Variants in MS4A12 observed in about 807,000 individuals in gnomAD.
MS4A12 encodes the protein membrane-spanning 4-domains subfamily A member 12.
Under a neutral mutation model 23.7 loss-of-function variants are expected in MS4A12, and 28 were observed. That is an observed-to-expected ratio of 1.18 (90% CI 0.88 to 1.62). The LOEUF (loss-of-function observed/expected upper bound fraction) is 1.62. Ranked by LOEUF, MS4A12 falls within the 40% of genes most tolerant of loss-of-function variation. The pLI is 0.00. For synonymous variants in MS4A12, 108 were observed against 110.1 expected, an observed-to-expected ratio of 0.98 and a Z score of 0.12; for missense variants, 342 against 327.0, an observed-to-expected ratio of 1.05 and a Z score of -0.35.
chr11:60,496,840 A>G (rs1448298836), intron 1 of MS4A12, among the ~76,000 whole-genome samples: 2 of 152,032 alleles, frequency 1.3e-5, no homozygotes, highest in Admixed American at 1.3e-4. Flanking sequence ...CGACCCATAC[A>G]CCTTGGTTCA....
intron 2 of MS4A12, chr11:60,497,832 C>T (rs545230969): frequency 3.3e-4 from 157 of 476,826 alleles, no homozygotes; most frequent in Admixed American, 7.4e-4. Flanking sequence ...GTAATATTGA[C>T]GTGACAGAAG....
intron 5 of MS4A12, among the ~76,000 whole-genome samples, chr11:60,504,061 G>A (rs986632318): frequency 3.3e-5 from 5 of 152,142 alleles, no homozygotes; most frequent in African/African-American, 9.7e-5. Context: ...ATGAACAATG[G>A]GGAAGGGTTT....
intron 2 of MS4A12, among the ~76,000 whole-genome samples, chr11:60,499,973 T>C (rs771731085): frequency 1.3e-5 from 2 of 152,106 alleles, no homozygotes; most frequent in Non-Finnish European, 2.9e-5. Flanking sequence ...CCTGCAACTT[T>C]TTAAAAAAGG....
At chr11:60,503,474 A>G (rs545586224) in intron 4 of MS4A12, among the ~76,000 whole-genome samples, 26 of 152,256 alleles carry the variant, frequency 1.7e-4, no homozygotes, top group East Asian at 1.3e-3. Context: ...TGCCTGCTTT[A>G]TATGATTTAC....
At chr11:60,505,706 G>A (rs2086565227) in intron 5 of MS4A12, among the ~76,000 whole-genome samples, 1 of 152,164 alleles carries the variant, frequency 6.6e-6, no homozygotes, top group Non-Finnish European at 1.5e-5. Context: ...GTCTGTAGCT[G>A]AGAAGGCTGG....
At chr11:60,504,232 TA>T (rs1023137256) in intron 5 of MS4A12, among the ~76,000 whole-genome samples, 34 of 152,366 alleles carry the variant, frequency 2.2e-4, no homozygotes, top group African/African-American at 7.9e-4. Context: ...ATCTGATTTT[TA>T]CAGAGAAACC....
intron 3 of MS4A12, among the ~76,000 whole-genome samples, chr11:60,501,640 A>C (rs1439128237): frequency 6.6e-6 from 1 of 152,126 alleles, no homozygotes; most frequent in African/African-American, 2.4e-5. Flanking sequence ...CTTGAGTTCA[A>C]GAGATGGAGG....
intron 2 of MS4A12, among the ~76,000 whole-genome samples, chr11:60,500,363 T>C (rs955725832): frequency 6.6e-6 from 1 of 152,050 alleles, no homozygotes; most frequent in African/African-American, 2.4e-5. Flanking sequence ...AAGATTAATT[T>C]GGTGTAATCA....
intron 5 of MS4A12, among the ~76,000 whole-genome samples, chr11:60,504,733 T>C (rs569415801): frequency 4.6e-5 from 7 of 152,156 alleles, no homozygotes; most frequent in Non-Finnish European, 1.0e-4. Context: ...CTCAATACTG[T>C]GTAAGTAATT....
chr11:60,503,477 T>C (rs143101390), intron 4 of MS4A12, among the ~76,000 whole-genome samples: 188 of 152,332 alleles, frequency 1.2e-3, no homozygotes, highest in African/African-American at 4.4e-3. Context: ...CTGCTTTATA[T>C]GATTTACATT....
At chr11:60,494,125 A>G (rs1415660423) in intron 1 of MS4A12, among the ~76,000 whole-genome samples, 3 of 152,212 alleles carry the variant, frequency 2.0e-5, no homozygotes, top group Non-Finnish European at 2.9e-5. Context: ...TCTTCATTTC[A>G]ATTGAATAAT....
chr11:60,500,410 A>T (rs1018141820), intron 2 of MS4A12, among the ~76,000 whole-genome samples: 1 of 152,224 alleles, frequency 6.6e-6, no homozygotes, highest in African/African-American at 2.4e-5. Flanking sequence ...AGAGCTGAGC[A>T]TGGGGGAAGA....
chr11:60,505,419 AG>A (rs1427281172), intron 5 of MS4A12, among the ~76,000 whole-genome samples: 1 of 152,186 alleles, frequency 6.6e-6, no homozygotes, highest in Non-Finnish European at 1.5e-5. Flanking sequence ...AAACCGTATC[AG>A]GAGGCAAAAA....
intron 5 of MS4A12, among the ~76,000 whole-genome samples, chr11:60,505,976 A>G (rs2086567066): frequency 1.3e-5 from 2 of 152,214 alleles, no homozygotes. Context: ...CCTCGCTAGC[A>G]AGAACTGTGC....
intron 4 of MS4A12, 90 bp from the exon 5 acceptor site, chr11:60,503,611 A>C: frequency 9.0e-7 from 1 of 1,111,728 alleles, no homozygotes; most frequent in East Asian, 2.4e-5. Context: ...AAAGTTCAAA[A>C]ATTAAGAACC....
intron 1 of MS4A12, among the ~76,000 whole-genome samples, chr11:60,495,136 G>A (rs1230156970): frequency 1.4e-5 from 2 of 138,458 alleles, no homozygotes; most frequent in Non-Finnish European, 3.2e-5. Context: ...GGGACTACAG[G>A]CGACCACCAC....
chr11:60,501,999 C>G lies in MS4A12; in HGVS notation c.431C>G (p.Ser144Cys), dbSNP rs376865209. 9.2e-5 allele frequency: 148 copies of G among 1,612,990 alleles called. 1 individual carries two copies. The highest frequency in any genetic ancestry group is 5.5e-4 in the South Asian group (50 of 91,020). Reference sequence around the variant, plus strand: ...TTTCCACAGTTTATTATCTCTGGCTCTCTCTCTGTGTCAGCATCCAAGGAG... The same window carrying G: ...TTTCCACAGTTTATTATCTCTGGCTGTCTCTCTGTGTCAGCATCCAAGGAG... ...WGGLSFIISGSLSVSASKELS... is the reference protein window; with the variant it reads ...WGGLSFIISGCLSVSASKELS... The change falls in exon 4 of 7, where the codon TCT (serine) becomes TGT (cysteine). Residue 144 changes from serine (S) to cysteine (C), a missense_variant. Ser to Cys is a moderately radical substitution (Grantham distance 112). Transcript: ENST00000016913.
Position 60,507,009 on chromosome 11 carries a change from A to G in MS4A12, c.700-11A>G, listed in dbSNP as rs1448030668. On this transcript the variant is annotated splice_polypyrimidine_tract_variant and intron_variant, in intron 6 of 6. Transcript: ENST00000016913. ...GTAACCATATTGCTTGTTTTTATTC[A>G]TTCTTTCCAGTCTGTCCTGGTTATT... 1.9e-6 allele frequency: 3 copies of G among 1,604,962 alleles called. No individual in the cohort carries two copies. In the South Asian group the frequency reaches 3.3e-5, roughly 18 times the overall value.
At chr11:60,503,184 A>G (rs1230990156) in intron 4 of MS4A12, among the ~76,000 whole-genome samples, 1 of 152,158 alleles carries the variant, frequency 6.6e-6, no homozygotes, top group Non-Finnish European at 1.5e-5. Flanking sequence ...TTCTCCTTCT[A>G]AATTTGGGGG....
Sources: gnomAD v4.1 joint callset for allele counts (sites outside exome capture counted in the v4.1 genomes callset) on GRCh38, gnomAD v4.1.1 for gene constraint, MANE v1.5 for transcripts, NCBI Gene and HGNC (gene_info 2026-07-23, HGNC 2026-07-21) for gene names.